PDCD10: variants seen among roughly 807,000 people sequenced by gnomAD.
PDCD10 encodes programmed cell death 10.
Under a neutral mutation model 29.2 loss-of-function variants are expected in PDCD10, and 4 were observed. That is an observed-to-expected ratio of 0.14 (90% CI 0.07 to 0.31). The LOEUF (loss-of-function observed/expected upper bound fraction) is 0.31, where lower values mean the gene tolerates loss of function less well. Ranked by LOEUF, PDCD10 falls within the 10% of genes least tolerant of loss-of-function variation. The pLI, the probability that PDCD10 is intolerant of heterozygous loss-of-function variation, is 1.00. For synonymous variants in PDCD10, 70 were observed against 82.2 expected (o/e 0.85, Z 0.80); for missense variants, 183 against 257.9 (o/e 0.71, Z 1.99).
intron 2 of PDCD10, among the ~76,000 whole-genome samples, chr3:167,732,832 C>T (rs954807616): frequency 2.6e-5 from 4 of 152,144 alleles, no homozygotes; most frequent in African/African-American, 7.2e-5. Flanking sequence ...CTTGCTTTAC[C>T]ATCACTGACT....
chr3:167,716,693 G>A (rs528998372), intron 3 of PDCD10, among the ~76,000 whole-genome samples: 12 of 151,854 alleles, frequency 7.9e-5, no homozygotes, highest in Non-Finnish European at 1.3e-4. Context: ...CTAATAATTC[G>A]CAGAAATAGC....
chr3:167,713,958 GA>G (rs1164287125), intron 3 of PDCD10, among the ~76,000 whole-genome samples: 1 of 151,954 alleles, frequency 6.6e-6, no homozygotes, highest in Non-Finnish European at 1.5e-5. Context: ...CTTCACTGCT[GA>G]ATTCTGCCAA....
intron 3 of PDCD10, among the ~76,000 whole-genome samples, chr3:167,713,491 A>AT: frequency 6.6e-6 from 1 of 151,952 alleles, no homozygotes; most frequent in South Asian, 2.1e-4. Context: ...AACAATTCAA[A>AT]TAACACACAT....
At chr3:167,706,199 T>C (rs1721947027) in intron 3 of PDCD10, among the ~76,000 whole-genome samples, 1 of 152,220 alleles carries the variant, frequency 6.6e-6, no homozygotes, top group African/African-American at 2.4e-5. Context: ...AGACTCATTT[T>C]AATTACGTGA....
At chr3:167,692,683 C>T (rs904348109) in intron 6 of PDCD10, among the ~76,000 whole-genome samples, 2 of 152,210 alleles carry the variant, frequency 1.3e-5, no homozygotes, top group African/African-American at 4.8e-5. Flanking sequence ...CTTTGGGAGG[C>T]CAAGGCAGGC....
chr3:167,691,680 G>T (rs923656117), intron 6 of PDCD10, among the ~76,000 whole-genome samples: 16 of 152,102 alleles, frequency 1.1e-4, no homozygotes, highest in African/African-American at 3.6e-4. Flanking sequence ...TCTCTCTCAC[G>T]TACTGGCATT....
intron 2 of PDCD10, among the ~76,000 whole-genome samples, chr3:167,721,326 C>G (rs1287561020): frequency 6.6e-6 from 1 of 152,040 alleles, no homozygotes; most frequent in Non-Finnish European, 1.5e-5. Flanking sequence ...GGTAGAGACC[C>G]AAGACTTGAT....
At chr3:167,724,011 G>A (rs1223181898) in intron 2 of PDCD10, among the ~76,000 whole-genome samples, 3 of 152,134 alleles carry the variant, frequency 2.0e-5, no homozygotes, top group East Asian at 3.9e-4. Flanking sequence ...TCGCCACTCC[G>A]CTGCCAAACT....
At chr3:167,719,942 C>T (rs150694034) in intron 3 of PDCD10, 120 bp downstream of exon 3, 61 of 774,840 alleles carry the variant, frequency 7.9e-5, no homozygotes, top group East Asian at 5.3e-4. Flanking sequence ...CAATGCCTAA[C>T]GCACCGATAA....
At chr3:167,716,186 T>C (rs539767932) in intron 3 of PDCD10, among the ~76,000 whole-genome samples, 10 of 152,070 alleles carry the variant, frequency 6.6e-5, no homozygotes, top group African/African-American at 1.9e-4. Flanking sequence ...ACTTCAAAAG[T>C]TCTCATTTAC....
intron 3 of PDCD10, among the ~76,000 whole-genome samples, chr3:167,718,420 CTGGTGTTGG>C (rs1421149074): frequency 6.6e-6 from 1 of 152,030 alleles, no homozygotes; most frequent in Non-Finnish European, 1.5e-5. Context: ...AAATTAATTA[CTGGTGTTGG>C]CTACAGCTGC....
intron 6 of PDCD10, among the ~76,000 whole-genome samples, chr3:167,691,050 G>A (rs2108387058): frequency 6.6e-6 from 1 of 152,176 alleles, no homozygotes; most frequent in South Asian, 2.1e-4. Context: ...GAAAAATGTT[G>A]CTAAAATGAA....
At chr3:167,712,971 C>T (rs1360721070) in intron 3 of PDCD10, among the ~76,000 whole-genome samples, 2 of 151,986 alleles carry the variant, frequency 1.3e-5, no homozygotes, top group Non-Finnish European at 2.9e-5. Context: ...ATTATTAGAA[C>T]TAAATAGAGA....
intron 6 of PDCD10, among the ~76,000 whole-genome samples, chr3:167,693,672 G>A (rs1264652087): frequency 6.6e-6 from 1 of 152,106 alleles, no homozygotes; most frequent in Non-Finnish European, 1.5e-5. Context: ...GCCAGGTGTG[G>A]TGGCTCACTC....
intron 2 of PDCD10, chr3:167,730,874 A>G (rs905856368): frequency 6.6e-6 from 1 of 152,232 alleles, no homozygotes; most frequent in Non-Finnish European, 1.5e-5. Context: ...AACCCAAAAT[A>G]TAAGTTCCTT....
chr3:167,684,484 GAA>G (rs762387951), intron 8 of PDCD10, 95 bp from the exon 9 acceptor site: 83 of 517,036 alleles, frequency 1.6e-4, no homozygotes, highest in East Asian at 1.8e-4. Flanking sequence ...ATCAATTTTA[GAA>G]AAAAAAAAAA....
chr3:167,731,338 G>A (rs1019305927), intron 2 of PDCD10, among the ~76,000 whole-genome samples: 5 of 152,016 alleles, frequency 3.3e-5, no homozygotes, highest in Admixed American at 1.3e-4. Context: ...GCAATTCTGC[G>A]GCAAATGAAA....
intron 8 of PDCD10, among the ~76,000 whole-genome samples, chr3:167,684,777 C>T (rs1344575877): frequency 1.3e-5 from 2 of 152,004 alleles, no homozygotes; most frequent in African/African-American, 4.8e-5. Context: ...AATTAATGGG[C>T]ATAATACTCA....
At chr3:167,729,442 C>T (rs781472534) in intron 2 of PDCD10, among the ~76,000 whole-genome samples, 1 of 152,116 alleles carries the variant, frequency 6.6e-6, no homozygotes, top group East Asian at 1.9e-4. Flanking sequence ...ATCATTTTTA[C>T]TATAATGATG....
Sources: allele counts gnomAD v4.1 joint callset (sites outside exome capture counted in the v4.1 genomes callset), GRCh38; gene constraint gnomAD v4.1.1; transcripts MANE v1.5; gene names NCBI Gene and HGNC (gene_info 2026-07-23, HGNC 2026-07-21).